The following CHST9 variants were observed in gnomAD, a reference collection of about 807,000 sequenced individuals.
CHST9 encodes the protein carbohydrate sulfotransferase 9.
In CHST9, 41 loss-of-function variants were observed where a neutral mutation model predicts 44.4. The ratio of observed to expected loss-of-function variants is 0.92; its 90% CI spans 0.72 to 1.20. The LOEUF is 1.20. CHST9 is among the 50% of genes most tolerant of loss of function. The probability of loss-of-function intolerance (pLI) is 0.00; values close to 1 mark genes in which losing one functional copy is unlikely to be tolerated. For missense variants in CHST9, 504 were observed against 516.5 expected, an observed-to-expected ratio of 0.98 and a Z score of 0.23; for synonymous variants, 171 against 178.4, an observed-to-expected ratio of 0.96 and a Z score of 0.33.
At chr18:26,998,659 G>A (rs1448417828) in intron 4 of CHST9, among the ~76,000 whole-genome samples, 1 of 150,066 alleles carries the variant, frequency 6.7e-6, no homozygotes, top group Non-Finnish European at 1.5e-5. Context: ...CTGGGAGGCG[G>A]AAGCTGCAGT....
chr18:26,959,023 T>G (rs2145147102), intron 4 of CHST9, among the ~76,000 whole-genome samples: 1 of 152,292 alleles, frequency 6.6e-6, no homozygotes, highest in Non-Finnish European at 1.5e-5. Flanking sequence ...CACTCATATG[T>G]TCATTGCAGC....
rs1006593091 is a variant in CHST9, at chr18:26,909,881, G to A, written c.*6378C>T. The A allele has an allele frequency of 3.9e-5, 6 of 152,216 alleles. No homozygotes were observed. The highest frequency in any genetic ancestry group is 8.8e-5 in the Non-Finnish European group (6 of 68,048). 9.4% of individuals were successfully genotyped at this position (152,216 alleles called of 1,614,324 possible). The stretch of plus-strand genomic sequence containing the variant: ...TTACAGGGGGTGCTACAATCACCCA[G>A]ATAATAGCAGGAAGTAGGGTGGAGA... On this transcript the variant is annotated 3_prime_UTR_variant, in exon 6 of 6. Coordinates refer to ENST00000618847, the MANE Select transcript of CHST9 (RefSeq NM_031422.6).
At chr18:26,934,467 C>A (rs936757403) in intron 5 of CHST9, 1 of 152,078 alleles carries the variant, frequency 6.6e-6, no homozygotes, top group Non-Finnish European at 1.5e-5. Context: ...ATTTCCTGAC[C>A]TTGTGATCCG....
chr18:26,950,775 A>G (rs1212772027), intron 4 of CHST9, among the ~76,000 whole-genome samples: 1 of 152,222 alleles, frequency 6.6e-6, no homozygotes, highest in East Asian at 1.9e-4. Context: ...TACCGTGCAC[A>G]CTGCTTAGGC....
chr18:26,941,903 T>A (rs1478940618), intron 5 of CHST9, among the ~76,000 whole-genome samples: 2 of 152,174 alleles, frequency 1.3e-5, no homozygotes, highest in Admixed American at 1.3e-4. Flanking sequence ...AGGCTAGAGC[T>A]TCCCCTCCAC....
intron 4 of CHST9, among the ~76,000 whole-genome samples, chr18:26,980,168 C>G (rs2437884): frequency 1.3e-5 from 2 of 152,078 alleles, no homozygotes; most frequent in Non-Finnish European, 2.9e-5. Flanking sequence ...CTCTGTGCTT[C>G]TATATAACCC....
chr18:27,154,657 T>C (rs2058684407), intron 1 of CHST9, among the ~76,000 whole-genome samples: 1 of 152,120 alleles, frequency 6.6e-6, no homozygotes. Flanking sequence ...GTCCTTTGGT[T>C]TATATGCACA....
intron 4 of CHST9, among the ~76,000 whole-genome samples, chr18:27,019,164 A>G (rs1451669875): frequency 6.6e-6 from 1 of 152,208 alleles, no homozygotes; most frequent in African/African-American, 2.4e-5. Context: ...GGTAAACAAT[A>G]GTCCATTTCA....
intron 2 of CHST9, among the ~76,000 whole-genome samples, chr18:27,055,228 T>TAAAGTATATTAAAGTA (rs1330469404): frequency 2.6e-5 from 4 of 152,196 alleles, no homozygotes; most frequent in African/African-American, 9.6e-5. Context: ...CACATGCTAC[T>TAAAGTATATTAAAGTA]TATTAAAAAA....
intron 4 of CHST9, among the ~76,000 whole-genome samples, chr18:27,015,175 T>C (rs1244777934): frequency 3.9e-5 from 6 of 152,246 alleles, no homozygotes; most frequent in Non-Finnish European, 7.3e-5. Context: ...GATATTCTTG[T>C]AGCTGGTGCA....
chr18:27,076,232 A>G (rs1399475840), intron 2 of CHST9, among the ~76,000 whole-genome samples: 1 of 152,210 alleles, frequency 6.6e-6, no homozygotes, highest in Non-Finnish European at 1.5e-5. Flanking sequence ...ATGAGAGATA[A>G]TTAGAAATTT....
intron 4 of CHST9, among the ~76,000 whole-genome samples, 159 bp downstream of exon 4, chr18:27,023,957 G>A (rs765239521): frequency 3.9e-5 from 6 of 151,998 alleles, no homozygotes; most frequent in East Asian, 3.8e-4. Context: ...AAGACTTTAC[G>A]CACTCCAAAA....
rs916016851 is a variant in CHST9 at position 27,095,042 on chromosome 18, C to A, written c.122-46539G>T. Among the ~76,000 whole-genome samples the A allele has an allele frequency of 2.0e-5, 3 of 152,222 alleles. No individual in the cohort carries two copies. The South Asian group carries it at 6.2e-4, about 32-fold the overall frequency. ...AGGTTAGTTGACATTAAAAAATATT[C>A]TTTTGGGGAAGATCCCCTTCAAAAT... is the stretch of plus-strand genomic sequence containing the variant. On this transcript the variant is annotated intron_variant, in intron 2 of 5. Coordinates refer to ENST00000618847, the MANE Select transcript of CHST9 (RefSeq NM_031422.6).
intron 2 of CHST9, among the ~76,000 whole-genome samples, chr18:27,083,786 T>C (rs1171063393): frequency 2.6e-5 from 4 of 152,142 alleles, no homozygotes; most frequent in Admixed American, 6.6e-5. Flanking sequence ...TCTACCCTTG[T>C]CTCTGTCTGT....
intron 1 of CHST9, among the ~76,000 whole-genome samples, chr18:27,149,926 T>C (rs559388535): frequency 2.4e-4 from 36 of 152,230 alleles, no homozygotes; most frequent in African/African-American, 8.2e-4. Context: ...TATCCTTTAA[T>C]TGAAAATCAT....
chr18:27,002,908 T>C (rs1465178529), intron 4 of CHST9, among the ~76,000 whole-genome samples: 1 of 152,146 alleles, frequency 6.6e-6, no homozygotes, highest in Non-Finnish European at 1.5e-5. Context: ...ATGGCAGAAA[T>C]GTGAAAAGAT....
chr18:27,152,604 G>C (rs186396053), intron 1 of CHST9, among the ~76,000 whole-genome samples: 1 of 152,258 alleles, frequency 6.6e-6, no homozygotes, highest in African/African-American at 2.4e-5. Context: ...TATGCAGCAT[G>C]CACTTACATG....
chr18:27,151,201 T>A (rs2058656450), intron 1 of CHST9, among the ~76,000 whole-genome samples: 1 of 152,180 alleles, frequency 6.6e-6, no homozygotes, highest in South Asian at 2.1e-4. Context: ...TTTTAATCTA[T>A]TTTAATACTG....
At chr18:27,160,740 T>C (rs1238127254) in intron 1 of CHST9, among the ~76,000 whole-genome samples, 2 of 152,216 alleles carry the variant, frequency 1.3e-5, no homozygotes, top group Non-Finnish European at 2.9e-5. Context: ...CATCTGATCC[T>C]GGACTTTTTT....
Sources: gnomAD v4.1 joint callset for allele counts (sites outside exome capture counted in the v4.1 genomes callset) on GRCh38, gnomAD v4.1.1 for gene constraint, MANE v1.5 for transcripts, NCBI Gene and HGNC (gene_info 2026-07-23, HGNC 2026-07-21) for gene names.